NRG1: variants seen among roughly 807,000 people sequenced by gnomAD.
The protein encoded by NRG1 is pro-neuregulin-1, membrane-bound isoform.
In NRG1, 18 loss-of-function variants were observed where a neutral mutation model predicts 63.8. The ratio of observed to expected loss-of-function variants is 0.28; its 90% CI spans 0.19 to 0.42. The LOEUF (loss-of-function observed/expected upper bound fraction) is 0.42, where lower values mean the gene tolerates loss of function less well. NRG1 is among the 10% of genes least tolerant of loss of function. NRG1 has a pLI of 1.00. For missense variants in NRG1, 762 were observed against 814.7 expected (o/e 0.94, Z 0.79); for synonymous variants, 302 against 301.3 (o/e 1.00, Z -0.02).
intron 1 of NRG1, among the ~76,000 whole-genome samples, chr8:32,529,924 C>T (rs540445621): frequency 2.0e-5 from 3 of 152,152 alleles, no homozygotes; most frequent in Middle Eastern, 3.4e-3. Context: ...ATACATAGAC[C>T]AGTAACATAG....
At chr8:32,135,599 G>C (rs1191435823) in intron 1 of NRG1, among the ~76,000 whole-genome samples, 1 of 152,140 alleles carries the variant, frequency 6.6e-6, no homozygotes, top group Non-Finnish European at 1.5e-5. Flanking sequence ...GTGAGATTGA[G>C]AGAAGGGGAG....
intron 1 of NRG1, among the ~76,000 whole-genome samples, chr8:32,134,911 G>T (rs1189960851): frequency 6.6e-6 from 1 of 152,062 alleles, no homozygotes; most frequent in Non-Finnish European, 1.5e-5. Context: ...AAAGTAGAAA[G>T]ATTTGACCTG....
At position 31,640,421 on chromosome 8, in the gene NRG1, C is replaced by A. The variant is rs1484088348; in HGVS notation, c.37+990C>A. 3 of 1,497,864 alleles carry A rather than the reference C, an allele frequency of 2.0e-6. No homozygotes were observed. The highest frequency in any genetic ancestry group is 1.8e-6 in the Non-Finnish European group (2 of 1,122,688). The allele number at this position is 1,497,864 out of a possible 1,614,324, so 92.8% of individuals were successfully genotyped here. ...GGGACCGTGCCCTCTTGGCCCACCG[C>A]CCCGGTGCCCAGCGCCGGCGAGCCC... is the stretch of plus-strand genomic sequence containing the variant. On this transcript the variant is annotated intron_variant, in intron 1 of 10. Transcript: ENST00000519301. The surrounding 1 kb of genome is among the most constrained non-coding windows in gnomAD (Gnocchi z 6.3).
rs1009297987 is a variant in NRG1 at position 31,640,041 on chromosome 8, C to A, written c.37+610C>A. On this transcript the variant is annotated intron_variant, in intron 1 of 10. Transcript: ENST00000519301. This position sits in a 1 kb window ranked among gnomAD's most constrained non-coding sequence, Gnocchi z 6.3. Reference sequence around the variant, plus strand: ...GGCGTCCCGGCCCCCGGGCCCAGCGCCCCGGCTCCGCCGCCCGCTCGTCGC... The same window carrying A: ...GGCGTCCCGGCCCCCGGGCCCAGCGACCCGGCTCCGCCGCCCGCTCGTCGC... 1.7e-6 allele frequency: 2 copies of A among 1,143,750 alleles called. No individual in the cohort carries two copies. The highest frequency in any genetic ancestry group is 3.3e-5 in the African/African-American group (2 of 60,936). The allele number at this position is 1,143,750 out of a possible 1,614,324, so 70.9% of individuals were successfully genotyped here.
At chr8:31,850,098 G>A (rs369358812) in intron 1 of NRG1, among the ~76,000 whole-genome samples, 2 of 152,066 alleles carry the variant, frequency 1.3e-5, no homozygotes, top group African/African-American at 2.4e-5. Flanking sequence ...GACCACAACC[G>A]AGGAGGATTT....
intron 1 of NRG1, among the ~76,000 whole-genome samples, chr8:32,101,721 G>A (rs543964583): frequency 1.3e-4 from 20 of 152,238 alleles, no homozygotes; most frequent in African/African-American, 3.9e-4. Flanking sequence ...AATGTGGAAG[G>A]TAAATTATAA....
chr8:31,934,420 C>CTCT (rs780496777), intron 1 of NRG1, among the ~76,000 whole-genome samples: 1,453 of 108,056 alleles, frequency 0.013, 209 homozygotes, highest in Non-Finnish European at 0.017. Context: ...TATTCGCTCT[C>CTCT]TTTTTTTTTT....
chr8:32,445,346 G>A (rs183807685), intron 1 of NRG1, among the ~76,000 whole-genome samples: 7 of 152,104 alleles, frequency 4.6e-5, no homozygotes, highest in East Asian at 3.9e-4. Flanking sequence ...TTGAATCCAC[G>A]GATGCAGAAC....
intron 1 of NRG1, among the ~76,000 whole-genome samples, chr8:31,769,959 A>G (rs1418817889): frequency 6.6e-6 from 1 of 152,196 alleles, no homozygotes; most frequent in Non-Finnish European, 1.5e-5. Context: ...GTTATGTCTT[A>G]TTCAGACATA....
chr8:32,025,790 T>C (rs908861818), intron 1 of NRG1, among the ~76,000 whole-genome samples: 2 of 150,864 alleles, frequency 1.3e-5, no homozygotes, highest in African/African-American at 4.9e-5. Context: ...TAGTAAAAAA[T>C]ACAAAAAATT....
chr8:32,237,491 T>C (rs867559085), intron 1 of NRG1, among the ~76,000 whole-genome samples: 2 of 151,394 alleles, frequency 1.3e-5, no homozygotes, highest in African/African-American at 4.9e-5. Flanking sequence ...CATTTGAGGG[T>C]TTTTTTTTCC....
At chr8:32,504,139 G>A (rs1357375820) in intron 1 of NRG1, among the ~76,000 whole-genome samples, 3 of 152,074 alleles carry the variant, frequency 2.0e-5, no homozygotes, top group African/African-American at 4.8e-5. Flanking sequence ...GATCTTAGCC[G>A]GAAGCTGCTG....
chr8:31,737,964 G>A (rs1178831922), intron 1 of NRG1, among the ~76,000 whole-genome samples: 1 of 152,054 alleles, frequency 6.6e-6, no homozygotes, highest in Admixed American at 6.6e-5. Context: ...TGAACTTAAG[G>A]ATAATATTCA....
At chr8:32,380,501 A>G (rs192568679) in intron 1 of NRG1, among the ~76,000 whole-genome samples, 1 of 152,000 alleles carries the variant, frequency 6.6e-6, no homozygotes, top group East Asian at 1.9e-4. Context: ...CCCAACCACC[A>G]CCTTGAAATC....
rs536443803 is a variant in NRG1 at position 31,861,140 on chromosome 8, G to C, written c.37+221709G>C. Among the ~76,000 whole-genome samples the C allele has an allele frequency of 6.6e-5, 10 of 152,296 alleles. No individual in the cohort carries two copies. The East Asian group carries it at 1.9e-3, about 29-fold the overall frequency. ...AGTCAAGGGCAAGAAAAGAAAGTTA[G>C]AAATTGCTGAGATAAGGGCTGTGCT... On this transcript the variant is annotated intron_variant, in intron 1 of 10. Transcript: ENST00000519301.
intron 1 of NRG1, among the ~76,000 whole-genome samples, chr8:31,776,169 C>T (rs1346776478): frequency 6.6e-6 from 1 of 152,094 alleles, no homozygotes; most frequent in Non-Finnish European, 1.5e-5. Context: ...ATGTGGAACT[C>T]GAGGGGTTGG....
At chr8:32,021,031 C>T (rs1043843857) in intron 1 of NRG1, among the ~76,000 whole-genome samples, 2 of 152,110 alleles carry the variant, frequency 1.3e-5, no homozygotes, top group Non-Finnish European at 2.9e-5. Flanking sequence ...GAAAACAAGT[C>T]CATTACTATT....
exon 12 of NRG1, chr8:32,764,762 G>A (rs1831289431): frequency 6.0e-6 from 1 of 167,008 alleles, no homozygotes; most frequent in Admixed American, 5.7e-5. Flanking sequence ...TGTATGATTT[G>A]CAAGACTTGC....
chr8:31,717,506 G>A (rs1812478087), intron 1 of NRG1, among the ~76,000 whole-genome samples: 1 of 152,054 alleles, frequency 6.6e-6, no homozygotes, highest in Admixed American at 6.6e-5. Context: ...GGACATGTAG[G>A]AAGGGCACTG....
Sources: allele counts gnomAD v4.1 joint callset (sites outside exome capture counted in the v4.1 genomes callset), GRCh38; gene constraint gnomAD v4.1.1; non-coding constraint Gnocchi (gnomAD v3.1); transcripts MANE v1.5; gene names NCBI Gene and HGNC (gene_info 2026-07-23, HGNC 2026-07-21).